The following MET variants were observed in gnomAD, a reference collection of about 807,000 sequenced individuals.
The protein encoded by MET is hepatocyte growth factor receptor.
MET carries 48 observed loss-of-function variants against 133.1 expected under a neutral mutation model. The ratio of observed to expected loss-of-function variants is 0.36; its 90% confidence interval spans 0.29 to 0.46. MET has a LOEUF of 0.46. Among genes scored for constraint, MET ranks in the 20% least tolerant of loss-of-function variants. The pLI is 1.00. For missense variants in MET, 1,442 were observed against 1,695.9 expected (o/e 0.85, Z 2.63); for synonymous variants, 628 against 616.5 (o/e 1.02, Z -0.28).
At chr7:116,781,898 T>C in intron 17 of MET, 90 bp from the exon 18 acceptor site, 1 of 898,004 alleles carries the variant, frequency 1.1e-6, no homozygotes, top group East Asian at 2.6e-5. Flanking sequence ...GACAAGATAA[T>C]TTTTTATAAA....
chr7:116,699,531 T>C lies in MET; in HGVS notation c.447T>C (p.Asn149=), dbSNP rs974448652. Residue 149 remains asparagine, a synonymous_variant, in exon 2 of 21, where the codon AAT becomes AAC. Coordinates refer to ENST00000397752, the MANE Select transcript of MET (RefSeq NM_000245.4). Reference sequence around the variant, plus strand: ...GCCAGCGACATGTCTTTCCCCACAATCATACTGCTGACATACAGTCGGAGG... The same window carrying C: ...GCCAGCGACATGTCTTTCCCCACAACCATACTGCTGACATACAGTCGGAGG... ...GTCQRHVFPH[N]HTADIQSEVH... 6.2e-7 allele frequency: 1 copy of C among 1,613,992 alleles called. No individual in the cohort carries two copies. The highest frequency in any genetic ancestry group is 8.5e-7 in the Non-Finnish European group (1 of 1,179,946).
intron 5 of MET, among the ~76,000 whole-genome samples, chr7:116,742,849 T>C (rs1271697724): frequency 6.6e-6 from 1 of 152,190 alleles, no homozygotes; most frequent in Non-Finnish European, 1.5e-5. Flanking sequence ...TAAATCCCTC[T>C]AGGTTCATAG....
chr7:116,681,634 C>A (rs753271673), intron 1 of MET, among the ~76,000 whole-genome samples: 45 of 152,182 alleles, frequency 3.0e-4, no homozygotes, highest in Non-Finnish European at 5.4e-4. Flanking sequence ...TCAAGGCCTG[C>A]CTTCACTACT....
intron 19 of MET, among the ~76,000 whole-genome samples, chr7:116,793,124 G>C (rs566100307): frequency 6.6e-6 from 1 of 151,652 alleles, no homozygotes; most frequent in South Asian, 2.1e-4. Flanking sequence ...CCATCTCCCT[G>C]AGCACAACTC....
chr7:116,672,292 C>T lies in MET; in HGVS notation c.-300C>T. The T allele has an allele frequency of 5.2e-6, 1 of 192,936 alleles. No homozygotes were observed. The highest frequency in any genetic ancestry group is 1.0e-5 in the Non-Finnish European group (1 of 95,990). The allele number at this position is 192,936 out of a possible 1,614,324, so 12.0% of individuals were successfully genotyped here. ...CCGGGCCGCCGCGGGCCGCGCGCGCCGATGCCCGGCTGAGTCACTGGCAGG... is the reference window on the plus strand; with the variant it reads ...CCGGGCCGCCGCGGGCCGCGCGCGCTGATGCCCGGCTGAGTCACTGGCAGG... On this transcript the variant is annotated 5_prime_UTR_variant, in exon 1 of 21. Coordinates refer to ENST00000397752, the MANE Select transcript of MET (RefSeq NM_000245.4).
rs1215589880 is a variant in MET at position 116,672,226 on chromosome 7, C to T, written c.-366C>T. Among the ~76,000 whole-genome samples, 3 of 151,834 alleles carry T rather than the reference C, an allele frequency of 2.0e-5. No homozygotes were observed. The highest frequency in any genetic ancestry group is 2.0e-4 in the Admixed American group (3 of 15,254). On this transcript the variant is annotated 5_prime_UTR_variant, in exon 1 of 21. Transcript: ENST00000397752. ...CGTGCTGGGGCGGGCAGGCGAGCGCCTCAGTCTGGTCGCCTGGCGGTGCCT... is the reference window on the plus strand; with the variant it reads ...CGTGCTGGGGCGGGCAGGCGAGCGCTTCAGTCTGGTCGCCTGGCGGTGCCT...
chr7:116,771,309 G>A (rs1010327477), intron 12 of MET, among the ~76,000 whole-genome samples, 189 bp from the exon 13 acceptor site: 3 of 152,094 alleles, frequency 2.0e-5, no homozygotes, highest in African/African-American at 7.2e-5. Context: ...AGTACTTAAG[G>A]GATCAGTGTC....
intron 1 of MET, among the ~76,000 whole-genome samples, chr7:116,694,511 C>G (rs1158766750): frequency 1.3e-5 from 2 of 152,058 alleles, no homozygotes; most frequent in Non-Finnish European, 2.9e-5. Context: ...TATTCTTCTT[C>G]CCCACTGATT....
At chr7:116,767,809 C>T (rs1022583134) in intron 11 of MET, among the ~76,000 whole-genome samples, 1 of 150,536 alleles carries the variant, frequency 6.6e-6, no homozygotes, top group Non-Finnish European at 1.5e-5. Flanking sequence ...TTTTTAGCAT[C>T]TCAATAAAGC....
chr7:116,783,280 TA>T, intron 18 of MET, 23 bp from the exon 19 acceptor site: 1 of 1,613,972 alleles, frequency 6.2e-7, no homozygotes, highest in Non-Finnish European at 8.5e-7. Context: ...CAGCCACGGG[TA>T]ATAATTTTTG....
Position 116,694,859 on chromosome 7 carries a change from G to A in MET, c.-14-4212G>A, listed in dbSNP as rs565098516. ...GCGCCACCACACCCAGCTAATTTTTGTACTTTTAGTAGAGACGGGGTTTCA... is the reference window on the plus strand; with the variant it reads ...GCGCCACCACACCCAGCTAATTTTTATACTTTTAGTAGAGACGGGGTTTCA... On this transcript the variant is annotated intron_variant, in intron 1 of 20. Coordinates refer to ENST00000397752, the MANE Select transcript of MET (RefSeq NM_000245.4). Among the ~76,000 whole-genome samples the A allele has an allele frequency of 3.9e-5, 6 of 152,074 alleles. No homozygotes were observed. The South Asian group carries it at 1.2e-3, about 32-fold the overall frequency.
chr7:116,724,053 T>C (rs1388487349), intron 2 of MET: 3 of 170,884 alleles, frequency 1.8e-5, no homozygotes, highest in Non-Finnish European at 3.6e-5. Flanking sequence ...TAAGCAAGCC[T>C]GGGCAATGGC....
chr7:116,752,884 T>C (rs1793984575), intron 5 of MET, among the ~76,000 whole-genome samples: 1 of 152,108 alleles, frequency 6.6e-6, no homozygotes, highest in African/African-American at 2.4e-5. Flanking sequence ...GCCTCCTCAT[T>C]AGAAGAGCCG....
chr7:116,789,177 A>G (rs1323158874), intron 19 of MET, among the ~76,000 whole-genome samples: 1 of 151,976 alleles, frequency 6.6e-6, no homozygotes, highest in Non-Finnish European at 1.5e-5. Context: ...TTTATCCTCA[A>G]TGGCTTCTCT....
chr7:116,705,991 C>T (rs978454207), intron 2 of MET, among the ~76,000 whole-genome samples: 2 of 151,996 alleles, frequency 1.3e-5, no homozygotes, highest in Admixed American at 1.3e-4. Context: ...TTTTCCCTTC[C>T]TCTTGCTGAC....
chr7:116,741,097 T>G, intron 5 of MET, 72 bp downstream of exon 5: 1 of 1,554,890 alleles, frequency 6.4e-7, no homozygotes, highest in Non-Finnish European at 8.7e-7. Context: ...TTGGTTTGGT[T>G]TGTTTTTTGT....
intron 5 of MET, chr7:116,741,246 C>G (rs1237743341): frequency 3.6e-6 from 2 of 559,364 alleles, no homozygotes; most frequent in East Asian, 3.3e-5. Flanking sequence ...GGGCATCCCC[C>G]CAAGTCCTGC....
chr7:116,739,609 T>C (rs951080604), intron 3 of MET, among the ~76,000 whole-genome samples: 2 of 152,184 alleles, frequency 1.3e-5, no homozygotes, highest in African/African-American at 4.8e-5. Flanking sequence ...CATTGTAGCA[T>C]GTGTGGTGTC....
At chr7:116,769,493 C>A in intron 11 of MET, 152 bp from the exon 12 acceptor site, 1 of 919,356 alleles carries the variant, frequency 1.1e-6, no homozygotes, top group Non-Finnish European at 1.7e-6. Context: ...CTTTAGCCAT[C>A]CCAATTCCCA....
Sources: allele counts gnomAD v4.1 joint callset (sites outside exome capture counted in the v4.1 genomes callset), GRCh38; gene constraint gnomAD v4.1.1; transcripts MANE v1.5; gene names NCBI Gene and HGNC (gene_info 2026-07-23, HGNC 2026-07-21).